TESK2: variants seen among roughly 807,000 people sequenced by gnomAD.
The protein encoded by TESK2 is testis associated actin remodelling kinase 2.
A neutral mutation model predicts 57.1 loss-of-function variants in TESK2; 39 were observed. The observed-to-expected ratio is 0.68, with a 90% CI of 0.53 to 0.89. The LOEUF is 0.89. TESK2 is among the 40% of genes least tolerant of loss of function. TESK2 has a pLI of 0.00. For synonymous variants in TESK2, 249 were observed against 267.9 expected (o/e 0.93, Z 0.69); for missense variants, 646 against 732.1 (o/e 0.88, Z 1.36).
At chr1:45,366,857 G>A (rs1432871955) in intron 4 of TESK2, among the ~76,000 whole-genome samples, 1 of 152,182 alleles carries the variant, frequency 6.6e-6, no homozygotes, top group African/African-American at 2.4e-5. Flanking sequence ...ATGCTGGCTG[G>A]GCGCAGAGGC....
At chr1:45,475,209 CTTTTT>C (rs375872140) in intron 1 of TESK2, among the ~76,000 whole-genome samples, 6 of 113,154 alleles carry the variant, frequency 5.3e-5, no homozygotes, top group Admixed American at 9.1e-5. Context: ...TTAGCCTGGC[CTTTTT>C]TTTTTTTTTT....
In TESK2 at chr1:45,491,033, G is replaced by C. The variant is rs1266962645; in HGVS notation, c.-268C>G. On this transcript the variant is annotated 5_prime_UTR_variant, in exon 1 of 11. Transcript: ENST00000372086. ...AGCTAGGCTAGCGGCGGCGGCGAAC[G>C]AGGAGACTACTGCCATGGCCCCACA... The C allele has an allele frequency of 6.6e-6, 1 of 152,296 alleles. No individual in the cohort carries two copies. Among genetic ancestry groups the C allele is most frequent in the Non-Finnish European group, 1.5e-5 (1 of 68,096 alleles). The allele number at this position is 152,296 out of a possible 1,614,324, so 9.4% of individuals were successfully genotyped here.
intron 1 of TESK2, among the ~76,000 whole-genome samples, chr1:45,463,184 GTC>G (rs1411113595): frequency 6.6e-6 from 1 of 152,134 alleles, no homozygotes; most frequent in Non-Finnish European, 1.5e-5. Context: ...TCTGTGAGTT[GTC>G]TCTTCACTTT....
chr1:45,390,978 C>T (rs1649112874), intron 3 of TESK2, among the ~76,000 whole-genome samples: 1 of 147,966 alleles, frequency 6.8e-6, no homozygotes, highest in African/African-American at 2.5e-5. Context: ...AGTGCAGTGG[C>T]GCGATCTCGG....
chr1:45,474,389 G>A (rs921136682), intron 1 of TESK2, among the ~76,000 whole-genome samples: 2 of 152,124 alleles, frequency 1.3e-5, no homozygotes, highest in South Asian at 2.1e-4. Context: ...CACTTTGGGA[G>A]GCCAAGACAG....
chr1:45,475,889 C>G (rs1266777982), intron 1 of TESK2, among the ~76,000 whole-genome samples: 2 of 152,226 alleles, frequency 1.3e-5, no homozygotes, highest in Admixed American at 1.3e-4. Context: ...ACTTCTTCAG[C>G]TTTTGGACTC....
intron 1 of TESK2, among the ~76,000 whole-genome samples, chr1:45,475,252 G>A (rs1652940135): frequency 7.1e-6 from 1 of 140,912 alleles, no homozygotes; most frequent in African/African-American, 2.6e-5. Context: ...TGTTGCCCAG[G>A]ATGGAGTGCA....
At chr1:45,383,938 T>C (rs1648759208) in intron 4 of TESK2, among the ~76,000 whole-genome samples, 1 of 152,222 alleles carries the variant, frequency 6.6e-6, no homozygotes, top group Non-Finnish European at 1.5e-5. Context: ...TATACTTCAG[T>C]AAAAAGTCTA....
At chr1:45,434,191 A>C (rs1397873756) in intron 2 of TESK2, among the ~76,000 whole-genome samples, 1 of 152,102 alleles carries the variant, frequency 6.6e-6, no homozygotes, top group Non-Finnish European at 1.5e-5. Flanking sequence ...ACGAGGTTTC[A>C]CCATGCTGCC....
At chr1:45,422,780 T>TTGTTGTTGTTGTTGTTGTTGTTG (rs1234266587) in intron 2 of TESK2, among the ~76,000 whole-genome samples, 168 of 10,256 alleles carry the variant, frequency 0.016, 1 homozygote, top group South Asian at 0.048. Context: ...TGTTGTTGTT[T>TTGTTGTTGTTGTTGTTGTTGTTG]TTGTTTTGAG....
chr1:45,364,134 T>C (rs1226788123), intron 4 of TESK2, among the ~76,000 whole-genome samples: 1 of 152,194 alleles, frequency 6.6e-6, no homozygotes. Context: ...AAAGGTATAA[T>C]ATGATCTAAT....
intron 2 of TESK2, among the ~76,000 whole-genome samples, chr1:45,432,758 C>CTTTTTTT (rs1300292630): frequency 2.3e-5 from 2 of 87,642 alleles, no homozygotes; most frequent in Non-Finnish European, 4.1e-5. Flanking sequence ...AATATTATAA[C>CTTTTTTT]TTTTTTTTTT....
At chr1:45,374,625 C>T (rs1011639566) in intron 4 of TESK2, among the ~76,000 whole-genome samples, 1 of 151,962 alleles carries the variant, frequency 6.6e-6, no homozygotes, top group East Asian at 1.9e-4. Flanking sequence ...TTGAAAAATG[C>T]CTCCTTCCAA....
At chr1:45,480,629 T>G (rs1653178631) in intron 1 of TESK2, among the ~76,000 whole-genome samples, 1 of 151,402 alleles carries the variant, frequency 6.6e-6, no homozygotes, top group Non-Finnish European at 1.5e-5. Flanking sequence ...TTATGATACA[T>G]CCATTCAATG....
At chr1:45,429,178 C>T (rs180965314) in intron 2 of TESK2, among the ~76,000 whole-genome samples, 6 of 152,226 alleles carry the variant, frequency 3.9e-5, no homozygotes, top group African/African-American at 1.2e-4. Context: ...TCGCCAGGTG[C>T]GGTAGAGATC....
At chr1:45,484,603 G>T (rs1653379629) in intron 1 of TESK2, among the ~76,000 whole-genome samples, 1 of 152,004 alleles carries the variant, frequency 6.6e-6, no homozygotes, top group Non-Finnish European at 1.5e-5. Flanking sequence ...GGGCGTGGTG[G>T]TGCACGGCTA....
intron 3 of TESK2, among the ~76,000 whole-genome samples, chr1:45,404,927 G>A (rs1354506717): frequency 6.6e-6 from 1 of 151,980 alleles, no homozygotes; most frequent in Non-Finnish European, 1.5e-5. Context: ...GTCAGGGAGT[G>A]GATTTTTACC....
chr1:45,489,110 G>A (rs1465530773), intron 1 of TESK2, among the ~76,000 whole-genome samples: 1 of 148,694 alleles, frequency 6.7e-6, no homozygotes, highest in Admixed American at 6.8e-5. Flanking sequence ...CAGCCTGGGC[G>A]ACAGAGTGAG....
At chr1:45,421,124 G>A (rs1397102311) in intron 3 of TESK2, among the ~76,000 whole-genome samples, 2 of 152,092 alleles carry the variant, frequency 1.3e-5, no homozygotes, top group Non-Finnish European at 2.9e-5. Flanking sequence ...GGATGTGGTG[G>A]TGCGCCTGTA....
Sources: gnomAD v4.1 joint callset for allele counts (sites outside exome capture counted in the v4.1 genomes callset) on GRCh38, gnomAD v4.1.1 for gene constraint, MANE v1.5 for transcripts, NCBI Gene and HGNC (gene_info 2026-07-23, HGNC 2026-07-21) for gene names.